The following CSGALNACT1 variants were observed in gnomAD, a reference collection of about 807,000 sequenced individuals.
CSGALNACT1 encodes beta4GalNAcT-1.
CSGALNACT1 carries 52 observed loss-of-function variants against 51.0 expected under a neutral mutation model. The observed-to-expected ratio is 1.02, with a 90% CI of 0.82 to 1.29. The LOEUF (loss-of-function observed/expected upper bound fraction) is 1.29. Ranked by LOEUF, CSGALNACT1 falls within the 50% of genes most tolerant of loss-of-function variation. The pLI is 0.00. For missense variants in CSGALNACT1, 935 were observed against 679.2 expected (o/e 1.38, Z -4.19); for synonymous variants, 341 against 254.4 (o/e 1.34, Z -3.24).
chr8:19,505,426 C>A, exon 4 of CSGALNACT1: 2 of 1,614,210 alleles, frequency 1.2e-6, no homozygotes, highest in Admixed American at 3.3e-5. Flanking sequence ...GCCAGCTTGA[C>A]GCCAGCATTC....
chr8:19,604,276 T>C (rs1446023656), upstream of CSGALNACT1, among the ~76,000 whole-genome samples: 1 of 151,964 alleles, frequency 6.6e-6, no homozygotes, highest in African/African-American at 2.4e-5. Flanking sequence ...TAATGAGAAG[T>C]GGGTATGTTC....
At chr8:19,493,871 TACAC>T (rs57708862) in intron 4 of CSGALNACT1, among the ~76,000 whole-genome samples, 8,049 of 148,896 alleles carry the variant, frequency 0.054, 266 homozygotes, top group Non-Finnish European at 0.072. Flanking sequence ...TGTGTGTTTA[TACAC>T]ACACACACAC....
In CSGALNACT1 at chr8:19,408,469, T is replaced by C. The variant is rs377327539; in HGVS notation, c.1309+144A>G. 2.6e-5 allele frequency: 4 copies of C among 152,794 alleles called. No individual in the cohort carries two copies. In the South Asian group the frequency reaches 5.8e-4, roughly 22 times the overall value. The allele number at this position is 152,794 out of a possible 1,614,324, so 9.5% of individuals were successfully genotyped here. On this transcript the variant is annotated intron_variant, in intron 9 of 9. Coordinates refer to ENST00000454498, the Ensembl canonical transcript of CSGALNACT1. ...GCCACCGCACCTAGTCTGGAATAGC[T>C]TTTTTTTTTTTTTTTTTTTTTTTTT...
At chr8:19,747,110 A>G (rs1428374005) in intron 1 of CSGALNACT1, among the ~76,000 whole-genome samples, 1 of 152,230 alleles carries the variant, frequency 6.6e-6, no homozygotes, top group Non-Finnish European at 1.5e-5. Flanking sequence ...ACCTTGGTGA[A>G]AAGTGCAAAA....
intron 1 of CSGALNACT1, among the ~76,000 whole-genome samples, chr8:19,612,722 A>G (rs984116306): frequency 1.7e-4 from 26 of 152,026 alleles, no homozygotes; most frequent in Admixed American, 7.2e-4. Context: ...CATGGTGGCT[A>G]AAGTTGCGAG....
At chr8:19,653,214 C>A (rs1350158542) in intron 1 of CSGALNACT1, among the ~76,000 whole-genome samples, 2 of 152,142 alleles carry the variant, frequency 1.3e-5, no homozygotes, top group Non-Finnish European at 2.9e-5. Context: ...CCCACATTCC[C>A]AATGGATGGT....
intron 3 of CSGALNACT1, among the ~76,000 whole-genome samples, chr8:19,574,159 A>T (rs745578119): frequency 2.6e-5 from 4 of 152,212 alleles, no homozygotes; most frequent in Admixed American, 6.5e-5. Context: ...GACATTCTCC[A>T]GCCCTGGCCT....
intron 1 of CSGALNACT1, among the ~76,000 whole-genome samples, chr8:19,654,190 A>G (rs1307990135): frequency 6.6e-6 from 1 of 152,250 alleles, no homozygotes; most frequent in Non-Finnish European, 1.5e-5. Context: ...GTCACTGAAC[A>G]TAACATTTTC....
At chr8:19,683,459 A>C (rs2060778443), upstream of CSGALNACT1, among the ~76,000 whole-genome samples, 1 of 152,258 alleles carries the variant, frequency 6.6e-6, no homozygotes, top group African/African-American at 2.4e-5. Context: ...GTAAGGTGTC[A>C]AGTTCTTTTA....
At chr8:19,446,497 A>C (rs1216197730) in intron 5 of CSGALNACT1, among the ~76,000 whole-genome samples, 1 of 148,846 alleles carries the variant, frequency 6.7e-6, no homozygotes, top group Non-Finnish European at 1.5e-5. Flanking sequence ...AAGCCTGAAA[A>C]TTCATTCATT....
chr8:19,491,261 G>A (rs1028341734), intron 4 of CSGALNACT1, among the ~76,000 whole-genome samples: 10 of 151,984 alleles, frequency 6.6e-5, no homozygotes, highest in Admixed American at 1.3e-4. Context: ...CTACTATAAC[G>A]ATACCGCAAA....
At chr8:19,658,672 T>C (rs1289538548) in intron 1 of CSGALNACT1, among the ~76,000 whole-genome samples, 1 of 152,036 alleles carries the variant, frequency 6.6e-6, no homozygotes, top group African/African-American at 2.4e-5. Flanking sequence ...GGGCAGAGGT[T>C]ACAGTGAGCT....
chr8:19,560,480 C>G (rs1158808266), intron 3 of CSGALNACT1, among the ~76,000 whole-genome samples: 2 of 152,076 alleles, frequency 1.3e-5, no homozygotes, highest in East Asian at 1.9e-4. Flanking sequence ...AGAGATCAGT[C>G]ACATGTATAA....
At chr8:19,486,436 G>C (rs917099032) in intron 4 of CSGALNACT1, among the ~76,000 whole-genome samples, 2 of 152,066 alleles carry the variant, frequency 1.3e-5, no homozygotes, top group Admixed American at 1.3e-4. Flanking sequence ...ATCCTCACCC[G>C]GGTCTATGAG....
intron 5 of CSGALNACT1, among the ~76,000 whole-genome samples, chr8:19,443,315 T>C (rs754169226): frequency 2.0e-5 from 3 of 152,260 alleles, no homozygotes; most frequent in Admixed American, 6.5e-5. Flanking sequence ...TGTAAATATA[T>C]GCAAGTGCGT....
chr8:19,452,636 G>C (rs1243976848), intron 5 of CSGALNACT1, among the ~76,000 whole-genome samples: 1 of 152,176 alleles, frequency 6.6e-6, no homozygotes, highest in East Asian at 1.9e-4. Context: ...GGAAAGAGCT[G>C]CTGAAGATGA....
chr8:19,504,747 A>T (rs1428392076), intron 4 of CSGALNACT1, among the ~76,000 whole-genome samples: 1 of 152,174 alleles, frequency 6.6e-6, no homozygotes, highest in Non-Finnish European at 1.5e-5. Flanking sequence ...ATTAAATTAC[A>T]CCTCCATTTC....
At chr8:19,570,092 A>ATT (rs35994246) in intron 3 of CSGALNACT1, among the ~76,000 whole-genome samples, 17,982 of 144,506 alleles carry the variant, frequency 0.12, 1,278 homozygotes, top group African/African-American at 0.21. Flanking sequence ...TTGGGGGCCT[A>ATT]TTTTTTTTTT....
intron 5 of CSGALNACT1, among the ~76,000 whole-genome samples, chr8:19,450,236 CAGGGAGGAAGAG>C (rs2062916700): frequency 1.9e-5 from 1 of 53,360 alleles, no homozygotes; most frequent in African/African-American, 8.1e-5. Flanking sequence ...GGGGAGGGGG[CAGGGAGGAAGAG>C]GGGGAGGAAC....
Sources: allele counts gnomAD v4.1 joint callset (sites outside exome capture counted in the v4.1 genomes callset), GRCh38; gene constraint gnomAD v4.1.1; transcripts MANE v1.5; gene names NCBI Gene and HGNC (gene_info 2026-07-23, HGNC 2026-07-21).